Variants in ZNF76 observed in about 807,000 individuals in gnomAD.
ZNF76 encodes the protein zinc finger protein 523.
Under a neutral mutation model 66.9 loss-of-function variants are expected in ZNF76, and 66 were observed. That is an observed-to-expected ratio of 0.99 (90% confidence interval 0.81 to 1.21). The LOEUF (loss-of-function observed/expected upper bound fraction) is 1.21, where lower values mean the gene tolerates loss of function less well. ZNF76 is among the 50% of genes most tolerant of loss of function. ZNF76 has a pLI of 0.00. For missense variants in ZNF76, 729 were observed against 760.3 expected, an observed-to-expected ratio of 0.96 and a Z score of 0.48; for synonymous variants, 275 against 296.1, an observed-to-expected ratio of 0.93 and a Z score of 0.73.
intron 1 of ZNF76, among the ~76,000 whole-genome samples, chr6:35,265,921 G>A (rs546586584): frequency 6.6e-6 from 1 of 152,300 alleles, no homozygotes; most frequent in African/African-American, 2.4e-5. Flanking sequence ...TATTGAAAAG[G>A]TCATTGTGGC....
At chr6:35,294,388 G>A in intron 12 of ZNF76, 68 bp from the exon 13 acceptor site, 1 of 1,099,670 alleles carries the variant, frequency 9.1e-7, no homozygotes, top group Non-Finnish European at 1.4e-6. Flanking sequence ...TTGGAGGGAT[G>A]TTTATTTGGA....
chr6:35,290,359 T>C lies in ZNF76; in HGVS notation c.526T>C (p.Tyr176His). Residue 176 changes from tyrosine to histidine, a missense_variant, in exon 6 of 14, where the codon TAC (tyrosine) becomes CAC (histidine). By Grantham distance (83) the Tyr-to-His change is moderately conservative (BLOSUM62 2). Coordinates refer to ENST00000373953, the MANE Select transcript of ZNF76 (RefSeq NM_003427.5). ...TGGCTACAAGGGCTGTGGGCGTCTC[T>C]ACACCACCGCTCATCACTTAAAGGT... ...RCGYKGCGRL[Y>H]TTAHHLKVHE... 1.9e-6 allele frequency: 3 copies of C among 1,614,210 alleles called. No homozygotes were observed. Among genetic ancestry groups the C allele is most frequent in the African/African-American group, 1.3e-5 (1 of 75,066 alleles).
intron 1 of ZNF76, among the ~76,000 whole-genome samples, chr6:35,280,395 G>C (rs550541803): frequency 6.6e-6 from 1 of 151,992 alleles, no homozygotes; most frequent in Admixed American, 6.6e-5. Flanking sequence ...ATTGGAAACA[G>C]ACAAAAGTTT....
chr6:35,287,344 G>C lies in ZNF76; in HGVS notation c.233-302G>C, dbSNP rs546078068. 9.2e-5 allele frequency among the ~76,000 whole-genome samples: 14 copies of C among 152,276 alleles called. No individual in the cohort carries two copies. In the South Asian group the frequency reaches 2.5e-3, roughly 27 times the overall value. On this transcript the variant is annotated intron_variant, in intron 4 of 13. Transcript: ENST00000373953. The surrounding 1 kb of genome is among the most constrained non-coding windows in gnomAD (Gnocchi z 4.0). ...TTGTGCTGCCTGGAGGGAACTAGAG[G>C]GGGTGAGGAGCGACTGGTCAGGAGG... is the stretch of plus-strand genomic sequence containing the variant.
intron 1 of ZNF76, among the ~76,000 whole-genome samples, chr6:35,266,949 C>T (rs1204946979): frequency 6.0e-5 from 9 of 150,782 alleles, no homozygotes; most frequent in Non-Finnish European, 1.2e-4. Context: ...TACAGGTGCC[C>T]ACCACCGCGC....
At chr6:35,271,160 A>G (rs1258079115) in intron 1 of ZNF76, among the ~76,000 whole-genome samples, 1 of 152,262 alleles carries the variant, frequency 6.6e-6, no homozygotes, top group Non-Finnish European at 1.5e-5. Context: ...CAGAGATGCC[A>G]TAGATAACCT....
chr6:35,276,794 T>TG (rs1475896242), intron 1 of ZNF76, among the ~76,000 whole-genome samples: 1 of 13,692 alleles, frequency 7.3e-5, no homozygotes, highest in Non-Finnish European at 4.1e-4. Context: ...TTTATGGGTT[T>TG]TTTTTTTTTT....
chr6:35,272,509 GTGTA>G lies in ZNF76; in HGVS notation c.-96-8541_-96-8538del, dbSNP rs1554188659. ...TGTGTGTGTGTGTGTGTGTGTGTGTGTGTATGTATATGCACATATATATATCCAA... is the reference window on the plus strand; with the variant it reads ...TGTGTGTGTGTGTGTGTGTGTGTGTGTGTATATGCACATATATATATCCAA... On this transcript the variant is annotated intron_variant, in intron 1 of 13. Transcript: ENST00000373953. Among the ~76,000 whole-genome samples, 33 of 112,384 alleles carry G rather than the reference GTGTA, an allele frequency of 2.9e-4. 1 individual carries two copies. In the South Asian group the frequency reaches 9.1e-3, roughly 31 times the overall value. 73.7% of individuals were successfully genotyped at this position (112,384 alleles called of 152,430 possible). A position where few individuals can be genotyped will look rare whatever the true frequency, so the allele number is the denominator to read the frequency against.
chr6:35,290,152 G>T (rs1790151353), intron 5 of ZNF76, 114 bp from the exon 6 acceptor site: 1 of 1,359,402 alleles, frequency 7.4e-7, no homozygotes, highest in South Asian at 1.4e-5. Context: ...CTGCCCCAGA[G>T]GCCCCTGACA....
chr6:35,281,351 T>C lies in ZNF76; in HGVS notation c.73+127T>C, dbSNP rs1788746011. The C allele has an allele frequency of 7.5e-6, 6 of 803,578 alleles. No homozygotes were observed. In the South Asian group the frequency reaches 9.0e-5, roughly 12 times the overall value. The allele number at this position is 803,578 out of a possible 1,614,324, so 49.8% of individuals were successfully genotyped here. A position where few individuals can be genotyped will look rare whatever the true frequency, so the allele number is the denominator to read the frequency against. On this transcript the variant is annotated intron_variant, in intron 2 of 13. Transcript: ENST00000373953. ...CTTACCCTTGCCCACCACCACAATT[T>C]GCTCTGCATTAGAATCTCCTGTGGT... is the stretch of plus-strand genomic sequence containing the variant.
intron 2 of ZNF76, among the ~76,000 whole-genome samples, chr6:35,284,635 A>G (rs1482682810): frequency 6.6e-6 from 1 of 152,140 alleles, no homozygotes; most frequent in Non-Finnish European, 1.5e-5. Context: ...TCCTGACCTC[A>G]GGTGATCTGC....
chr6:35,293,886 G>C lies in ZNF76; in HGVS notation c.1465G>C (p.Val489Leu). Residue 489 changes from valine to leucine, a missense_variant, in exon 12 of 14, where the codon GTC becomes CTC. Physicochemically the swap from Val to Leu is conservative, Grantham distance 32. Coordinates refer to ENST00000373953, the MANE Select transcript of ZNF76 (RefSeq NM_003427.5). ...ATSGTHTVTM[V>L]SADGTQTQPV... is the part of the protein sequence containing the mutation. ...ATCTGGCACACATACAGTCACCATGGTCAGCGCCGATGGCACCCAGACGCA... is the reference window on the plus strand; with the variant it reads ...ATCTGGCACACATACAGTCACCATGCTCAGCGCCGATGGCACCCAGACGCA... The C allele has an allele frequency of 6.2e-7, 1 of 1,614,168 alleles. No individual in the cohort carries two copies. The highest frequency in any genetic ancestry group is 8.5e-7 in the Non-Finnish European group (1 of 1,180,020).
intron 2 of ZNF76, among the ~76,000 whole-genome samples, chr6:35,285,116 C>G (rs184214141): frequency 6.6e-6 from 1 of 152,330 alleles, no homozygotes; most frequent in African/African-American, 2.4e-5. Flanking sequence ...GTTCTAATTT[C>G]AAGAGCCTTA....
At chr6:35,279,813 G>A (rs1788489350) in intron 1 of ZNF76, 1 of 153,026 alleles carries the variant, frequency 6.5e-6, no homozygotes, top group South Asian at 2.0e-4. Flanking sequence ...TTGGACTACA[G>A]CCTTCCAAAT....
rs769220409 is a variant in ZNF76, at chr6:35,290,644, C to T, written c.553C>T (p.His185Tyr). Reference protein sequence around the residue: ...LYTTAHHLKVHERAHTGDRPY... With the variant: ...LYTTAHHLKVYERAHTGDRPY... ...ATGTGATTGCTTGTCCTCACAGGTG[C>T]ATGAACGAGCTCATACAGGTGACCG... The change falls in exon 7 of 14, where the codon CAT becomes TAT. Residue 185 changes from histidine (H) to tyrosine (Y), a missense_variant. Transcript: ENST00000373953. 1.2e-6 allele frequency: 2 copies of T among 1,614,162 alleles called. No homozygotes were observed. The highest frequency in any genetic ancestry group is 1.3e-5 in the African/African-American group (1 of 75,048).
chr6:35,283,228 G>A (rs776638604), intron 2 of ZNF76, among the ~76,000 whole-genome samples: 1 of 152,050 alleles, frequency 6.6e-6, no homozygotes, highest in Non-Finnish European at 1.5e-5. Flanking sequence ...TGCCCACTCT[G>A]TAGTGTTGCA....
intron 5 of ZNF76, among the ~76,000 whole-genome samples, chr6:35,289,240 G>A (rs574596028): frequency 3.9e-5 from 6 of 152,158 alleles, no homozygotes; most frequent in Admixed American, 6.5e-5. Flanking sequence ...CTTGATTCCC[G>A]TGATTACCCC....
intron 6 of ZNF76, 87 bp downstream of exon 6, chr6:35,290,469 C>T: frequency 6.3e-7 from 1 of 1,576,406 alleles, no homozygotes; most frequent in Non-Finnish European, 8.7e-7. Flanking sequence ...GGAATTGGTC[C>T]CTGCCCTCAC....
intron 1 of ZNF76, among the ~76,000 whole-genome samples, chr6:35,267,423 A>T (rs1469931443): frequency 2.0e-5 from 3 of 152,140 alleles, no homozygotes; most frequent in Non-Finnish European, 4.4e-5. Context: ...ACTAGGAATG[A>T]GTTGTGTTCT....
Sources: gnomAD v4.1 joint callset for allele counts (sites outside exome capture counted in the v4.1 genomes callset) on GRCh38, gnomAD v4.1.1 for gene constraint, Gnocchi (gnomAD v3.1) non-coding constraint, MANE v1.5 for transcripts, NCBI Gene and HGNC (gene_info 2026-07-23, HGNC 2026-07-21) for gene names.